Variants in WWC1 observed in about 807,000 individuals in gnomAD.
WWC1 encodes the protein protein KIBRA.
Under a neutral mutation model 138.4 loss-of-function variants are expected in WWC1, and 55 were observed. The ratio of observed to expected loss-of-function variants is 0.40; its 90% CI spans 0.32 to 0.50. The LOEUF (loss-of-function observed/expected upper bound fraction) is 0.50, where lower values mean the gene tolerates loss of function less well. Ranked by LOEUF, WWC1 falls within the 20% of genes least tolerant of loss-of-function variation. The pLI, the probability that WWC1 is intolerant of heterozygous loss-of-function variation, is 0.72. For synonymous variants in WWC1, 524 were observed against 564.9 expected, an observed-to-expected ratio of 0.93 and a Z score of 1.03; for missense variants, 1,226 against 1,420.4, an observed-to-expected ratio of 0.86 and a Z score of 2.20.
At chr5:168,318,808 C>T (rs545129120) in intron 1 of WWC1, among the ~76,000 whole-genome samples, 1 of 152,218 alleles carries the variant, frequency 6.6e-6, no homozygotes, top group African/African-American at 2.4e-5. Context: ...GATCTGCCCG[C>T]CTTGGCCTCC....
Position 168,371,452 on chromosome 5 carries a change from T to C in WWC1, c.148T>C (p.Cys50Arg). The C allele has an allele frequency of 6.2e-7, 1 of 1,614,162 alleles. No individual in the cohort carries two copies. ...RYTKPLTFAD[C>R]ISDELPLGWE... ...CACCAAACCGCTCACCTTTGCTGACTGCATTAGTGATGAGTTGCCGCTAGG... is the reference window on the plus strand; with the variant it reads ...CACCAAACCGCTCACCTTTGCTGACCGCATTAGTGATGAGTTGCCGCTAGG... The change falls in exon 2 of 23, where the codon TGC becomes CGC. Residue 50 changes from cysteine (C) to arginine (R), a missense_variant. Physicochemically the swap from Cys to Arg is radical, Grantham distance 180 (BLOSUM62 -3). Transcript: ENST00000265293.
At chr5:168,426,865 C>A (rs183147774) in intron 11 of WWC1, among the ~76,000 whole-genome samples, 3 of 152,344 alleles carry the variant, frequency 2.0e-5, no homozygotes, top group Admixed American at 2.0e-4. Flanking sequence ...TGGCCTTCCC[C>A]GCTGCAAGGA....
At chr5:168,357,493 TGCGCGC>T (rs374080598) in intron 1 of WWC1, among the ~76,000 whole-genome samples, 9 of 119,810 alleles carry the variant, frequency 7.5e-5, no homozygotes, top group African/African-American at 3.4e-4. Flanking sequence ...TGTGTGTGTG[TGCGCGC>T]GCGCACGCAT....
intron 18 of WWC1, among the ~76,000 whole-genome samples, chr5:168,454,496 C>A (rs954273): frequency 8.6e-5 from 13 of 151,886 alleles, no homozygotes; most frequent in African/African-American, 2.9e-4. Flanking sequence ...AAATATATTT[C>A]TTTATGTGGG....
intron 5 of WWC1, among the ~76,000 whole-genome samples, chr5:168,402,325 G>C (rs1339409310): frequency 6.6e-6 from 1 of 152,222 alleles, no homozygotes; most frequent in Non-Finnish European, 1.5e-5. Flanking sequence ...TTGAGAGGCA[G>C]GTGGTCAGGG....
chr5:168,343,732 G>T (rs912946145), intron 1 of WWC1, among the ~76,000 whole-genome samples: 2 of 151,338 alleles, frequency 1.3e-5, no homozygotes, highest in Non-Finnish European at 2.9e-5. Context: ...TGAGGCATGA[G>T]AATCACTTCA....
chr5:168,445,701 CAAAAAAAAAAAA>C (rs763044458), intron 17 of WWC1, among the ~76,000 whole-genome samples: 1 of 50,684 alleles, frequency 2.0e-5, no homozygotes, highest in African/African-American at 7.1e-5. Flanking sequence ...GACTCTGTCT[CAAAAAAAAAAAA>C]AAAAAAAAAA....
chr5:168,465,252 G>C (rs1264182736), intron 21 of WWC1, among the ~76,000 whole-genome samples: 1 of 152,200 alleles, frequency 6.6e-6, no homozygotes, highest in Non-Finnish European at 1.5e-5. Flanking sequence ...TCATCATGCA[G>C]TTCTTCATGA....
At chr5:168,311,298 G>A (rs571261311) in intron 1 of WWC1, among the ~76,000 whole-genome samples, 4 of 132,930 alleles carry the variant, frequency 3.0e-5, no homozygotes, top group African/African-American at 1.2e-4. Flanking sequence ...GGCTACAGAG[G>A]CCCATACAAG....
chr5:168,340,316 T>A (rs1303425076), intron 1 of WWC1, among the ~76,000 whole-genome samples: 1 of 152,148 alleles, frequency 6.6e-6, no homozygotes, highest in Non-Finnish European at 1.5e-5. Context: ...CCTCAGGTTA[T>A]CCACCTATCT....
At chr5:168,341,012 G>A (rs1773993608) in intron 1 of WWC1, among the ~76,000 whole-genome samples, 1 of 152,190 alleles carries the variant, frequency 6.6e-6, no homozygotes, top group Non-Finnish European at 1.5e-5. Flanking sequence ...TCTCCTGAAC[G>A]CTTCCTTATA....
chr5:168,380,953 G>A (rs1777581833), intron 2 of WWC1, among the ~76,000 whole-genome samples: 3 of 152,128 alleles, frequency 2.0e-5, no homozygotes, highest in Non-Finnish European at 2.9e-5. Context: ...ACTGGGAGAG[G>A]GGGTGAGTAG....
intron 1 of WWC1, among the ~76,000 whole-genome samples, chr5:168,314,910 C>T (rs555651863): frequency 1.3e-5 from 2 of 152,338 alleles, no homozygotes; most frequent in African/African-American, 4.8e-5. Flanking sequence ...GGCCCTGGCT[C>T]ACCTGTGCAC....
chr5:168,315,175 CTT>C (rs35333193), intron 1 of WWC1, among the ~76,000 whole-genome samples: 12,990 of 147,018 alleles, frequency 0.088, 825 homozygotes, highest in South Asian at 0.12. Flanking sequence ...CCACAAATAA[CTT>C]TTTTTTTTTT....
At chr5:168,341,841 A>T (rs1774062788) in intron 1 of WWC1, among the ~76,000 whole-genome samples, 1 of 152,162 alleles carries the variant, frequency 6.6e-6, no homozygotes, top group Admixed American at 6.5e-5. Flanking sequence ...CAGATAACGG[A>T]AGAAAGTTCT....
chr5:168,401,876 T>A (rs893354188), intron 5 of WWC1, among the ~76,000 whole-genome samples: 3 of 152,194 alleles, frequency 2.0e-5, no homozygotes, highest in African/African-American at 7.2e-5. Context: ...AGAAAATGCC[T>A]ATTTTTGACC....
At chr5:168,359,639 C>G (rs1228619030) in intron 1 of WWC1, among the ~76,000 whole-genome samples, 2 of 152,002 alleles carry the variant, frequency 1.3e-5, no homozygotes, top group African/African-American at 4.8e-5. Flanking sequence ...AATTAGAATG[C>G]TTATTTTATA....
intron 1 of WWC1, among the ~76,000 whole-genome samples, chr5:168,346,720 G>A (rs1183851439): frequency 2.0e-5 from 3 of 152,234 alleles, no homozygotes; most frequent in Admixed American, 2.0e-4. Flanking sequence ...CCCATGCTTG[G>A]TATGCTGTGA....
chr5:168,344,747 G>C (rs1774332805), intron 1 of WWC1, among the ~76,000 whole-genome samples: 1 of 152,112 alleles, frequency 6.6e-6, no homozygotes, highest in South Asian at 2.1e-4. Flanking sequence ...TATTCCAAGG[G>C]GAGGTTTTAT....
Sources: allele counts gnomAD v4.1 joint callset (sites outside exome capture counted in the v4.1 genomes callset), GRCh38; gene constraint gnomAD v4.1.1; transcripts MANE v1.5; gene names NCBI Gene and HGNC (gene_info 2026-07-23, HGNC 2026-07-21).